The following SOX6 variants were observed in gnomAD, a reference collection of about 807,000 sequenced individuals.
SOX6 encodes SRY-box transcription factor 6, also known as transcription factor SOX-6.
In SOX6, 11 loss-of-function variants were observed where a neutral mutation model predicts 97.8. The observed-to-expected ratio is 0.11, with a 90% CI of 0.07 to 0.19. The LOEUF is 0.19. SOX6 is among the 10% of genes least tolerant of loss of function. SOX6 has a pLI of 1.00. For synonymous variants in SOX6, 360 were observed against 371.4 expected (o/e 0.97, Z 0.35); for missense variants, 810 against 1,039.5 (o/e 0.78, Z 3.04).
At chr11:16,679,473 A>G (rs941495246) in intron 3 of SOX6, among the ~76,000 whole-genome samples, 4 of 152,230 alleles carry the variant, frequency 2.6e-5, no homozygotes, top group African/African-American at 9.6e-5. Flanking sequence ...CACCAACATC[A>G]AAGATCAAAG....
At chr11:16,290,211 C>A (rs1362592134) in intron 3 of SOX6, among the ~76,000 whole-genome samples, 2 of 151,840 alleles carry the variant, frequency 1.3e-5, no homozygotes, top group African/African-American at 4.8e-5. Context: ...ACAATAAGAG[C>A]ACTAAAAAAT....
At chr11:16,514,887 T>C (rs1423326722) in intron 4 of SOX6, among the ~76,000 whole-genome samples, 2 of 151,888 alleles carry the variant, frequency 1.3e-5, no homozygotes, top group East Asian at 1.9e-4. Flanking sequence ...CATCATTTTT[T>C]ATGGCTGCAT....
At position 16,120,408 on chromosome 11, in the gene SOX6, C is replaced by T. The variant is rs372204649; in HGVS notation, c.778-8485G>A. On this transcript the variant is annotated intron_variant, in intron 6 of 15. Coordinates refer to ENST00000683767, the MANE Select transcript of SOX6 (RefSeq NM_001367873.1). ...AGGATTTGGCACACTATTCCTAGCA[C>T]TCTTCAAAATTCTCATTAAAGGGCC... Among the ~76,000 whole-genome samples, 10 of 151,872 alleles carry T rather than the reference C, an allele frequency of 6.6e-5. No individual in the cohort carries two copies. The East Asian group carries it at 1.6e-3, about 24-fold the overall frequency.
intron 1 of SOX6, among the ~76,000 whole-genome samples, chr11:16,412,939 C>CG (rs1858851199): frequency 1.3e-5 from 2 of 152,156 alleles, no homozygotes; most frequent in African/African-American, 4.8e-5. Flanking sequence ...GAAATGCCCA[C>CG]TCCCTATGAC....
chr11:16,015,746 C>T (rs940652540), intron 12 of SOX6, among the ~76,000 whole-genome samples: 3 of 152,018 alleles, frequency 2.0e-5, no homozygotes, highest in Non-Finnish European at 4.4e-5. Context: ...ACTCCCTCTG[C>T]AGCTCTCTGG....
chr11:16,584,459 G>C (rs1365784568), intron 4 of SOX6, among the ~76,000 whole-genome samples: 1 of 152,120 alleles, frequency 6.6e-6, no homozygotes, highest in African/African-American at 2.4e-5. Flanking sequence ...TGACTTTACA[G>C]CTGCCCACTC....
rs755868333 is a variant in SOX6, at chr11:16,279,410, G to C, written c.445+39036C>G. Among the ~76,000 whole-genome samples the C allele has an allele frequency of 5.3e-4, 81 of 152,090 alleles. 1 individual carries two copies. The highest frequency in any genetic ancestry group is 3.4e-3 in the Middle Eastern group (1 of 294). ...AATAATTCTCTTCCTCCAGTTTTTA[G>C]ACTATCTTTTAAAAATAATACTATT... On this transcript the variant is annotated intron_variant, in intron 3 of 15. Transcript: ENST00000683767.
intron 1 of SOX6, among the ~76,000 whole-genome samples, chr11:16,363,451 CA>C (rs905290154): frequency 4.0e-5 from 6 of 151,834 alleles, no homozygotes; most frequent in African/African-American, 7.3e-5. Flanking sequence ...AAAATCCTCC[CA>C]AAAAAAGTCT....
At chr11:16,708,478 AT>A in intron 3 of SOX6, among the ~76,000 whole-genome samples, 1 of 152,348 alleles carries the variant, frequency 6.6e-6, no homozygotes, top group South Asian at 2.1e-4. Context: ...TAGTTTAAAA[AT>A]ATACCTACAT....
At chr11:16,342,678 C>A (rs937199085) in intron 1 of SOX6, among the ~76,000 whole-genome samples, 3 of 151,962 alleles carry the variant, frequency 2.0e-5, no homozygotes, top group Middle Eastern at 3.4e-3. Context: ...TTTTATGTAG[C>A]AGCCCATGTT....
At chr11:16,228,643 G>A (rs1852755917) in intron 4 of SOX6, among the ~76,000 whole-genome samples, 1 of 152,118 alleles carries the variant, frequency 6.6e-6, no homozygotes, top group South Asian at 2.1e-4. Flanking sequence ...AAATCTGCTA[G>A]GAGAGTATAT....
intron 1 of SOX6, among the ~76,000 whole-genome samples, chr11:16,342,865 A>C (rs1382740268): frequency 6.6e-6 from 1 of 151,894 alleles, no homozygotes; most frequent in African/African-American, 2.4e-5. Context: ...TGCTGATACC[A>C]ATTTATAATA....
At chr11:16,624,335 G>A (rs908267615) in intron 3 of SOX6, among the ~76,000 whole-genome samples, 4 of 151,914 alleles carry the variant, frequency 2.6e-5, no homozygotes, top group African/African-American at 7.2e-5. Context: ...CTACAAGTGC[G>A]TGCCACCACC....
intron 1 of SOX6, among the ~76,000 whole-genome samples, chr11:16,467,674 T>C (rs1860067401): frequency 6.6e-6 from 1 of 152,140 alleles, no homozygotes. Context: ...TCAGAAAAAC[T>C]AGCTGATGGT....
intron 6 of SOX6, among the ~76,000 whole-genome samples, chr11:16,112,795 A>C (rs557102776): frequency 1.3e-5 from 2 of 152,262 alleles, no homozygotes; most frequent in South Asian, 2.1e-4. Context: ...TACTCTATGC[A>C]TGCTGCCCGG....
At chr11:16,729,413 G>A (rs562465476) in intron 2 of SOX6, among the ~76,000 whole-genome samples, 42 of 152,256 alleles carry the variant, frequency 2.8e-4, no homozygotes, top group Middle Eastern at 6.8e-3. Context: ...GAAGAGAGTG[G>A]GGGCCAATAT....
chr11:16,619,743 A>G (rs1378896672), intron 3 of SOX6, among the ~76,000 whole-genome samples: 1 of 152,144 alleles, frequency 6.6e-6, no homozygotes, highest in Non-Finnish European at 1.5e-5. Flanking sequence ...ATATACTAAC[A>G]CATTTACATT....
At chr11:16,536,380 G>A (rs1308141442) in intron 4 of SOX6, among the ~76,000 whole-genome samples, 21 of 152,130 alleles carry the variant, frequency 1.4e-4, no homozygotes, top group Admixed American at 9.8e-4. Context: ...AGCTCCCGGC[G>A]AGATTGACGC....
intron 4 of SOX6, among the ~76,000 whole-genome samples, chr11:16,588,090 T>C (rs757139544): frequency 6.6e-6 from 1 of 152,186 alleles, no homozygotes; most frequent in Non-Finnish European, 1.5e-5. Flanking sequence ...CAGCTAGAAA[T>C]AGTGTTATCG....
Sources: allele counts gnomAD v4.1 joint callset (sites outside exome capture counted in the v4.1 genomes callset), GRCh38; gene constraint gnomAD v4.1.1; transcripts MANE v1.5; gene names NCBI Gene and HGNC (gene_info 2026-07-23, HGNC 2026-07-21).